Variants in SEMA3A observed in about 807,000 individuals in gnomAD.
SEMA3A encodes semaphorin-3A.
A neutral mutation model predicts 97.9 loss-of-function variants in SEMA3A; 29 were observed. That is an observed-to-expected ratio of 0.30 (90% CI 0.22 to 0.40). The LOEUF (loss-of-function observed/expected upper bound fraction) is 0.40. Among genes scored for constraint, SEMA3A ranks in the 10% least tolerant of loss-of-function variants. The pLI is 1.00. For missense variants in SEMA3A, 763 were observed against 951.3 expected, an observed-to-expected ratio of 0.80 and a Z score of 2.60; for synonymous variants, 321 against 323.7, an observed-to-expected ratio of 0.99 and a Z score of 0.09.
At chr7:84,407,917 G>C (rs900216023) in intron 1 of SEMA3A, among the ~76,000 whole-genome samples, 5 of 152,182 alleles carry the variant, frequency 3.3e-5, no homozygotes, top group Non-Finnish European at 5.9e-5. Flanking sequence ...AGACTTACAT[G>C]TTAGACCTAA....
At chr7:84,080,374 T>C (rs1222121008) in intron 4 of SEMA3A, among the ~76,000 whole-genome samples, 2 of 151,770 alleles carry the variant, frequency 1.3e-5, no homozygotes, top group Non-Finnish European at 2.9e-5. Context: ...AAAAAGAGAC[T>C]ACCTAAAAAA....
intron 2 of SEMA3A, among the ~76,000 whole-genome samples, chr7:84,361,630 T>C (rs1802722982): frequency 6.6e-6 from 1 of 152,022 alleles, no homozygotes; most frequent in South Asian, 2.1e-4. Context: ...GGAAGACTCC[T>C]AATTACTAAT....
chr7:84,442,513 C>G (rs115746178), intron 1 of SEMA3A, among the ~76,000 whole-genome samples: 2,299 of 151,430 alleles, frequency 0.015, 63 homozygotes, highest in African/African-American at 0.052. Flanking sequence ...ACTTCTACTA[C>G]AAAAAAAATC....
intron 1 of SEMA3A, among the ~76,000 whole-genome samples, chr7:84,163,256 G>T (rs1797097838): frequency 6.6e-6 from 1 of 151,986 alleles, no homozygotes; most frequent in Non-Finnish European, 1.5e-5. Context: ...ATACTTAAAG[G>T]TATAAATGTA....
chr7:84,415,144 T>C (rs936583973), intron 1 of SEMA3A, among the ~76,000 whole-genome samples: 1 of 152,092 alleles, frequency 6.6e-6, no homozygotes, highest in African/African-American at 2.4e-5. Flanking sequence ...ACTGTAGCTG[T>C]AGAGTTGTTG....
At chr7:84,106,667 C>T (rs1795117151) in intron 4 of SEMA3A, among the ~76,000 whole-genome samples, 1 of 152,118 alleles carries the variant, frequency 6.6e-6, no homozygotes, top group African/African-American at 2.4e-5. Context: ...AGATCCAAAG[C>T]TATTAAATAA....
intron 3 of SEMA3A, among the ~76,000 whole-genome samples, chr7:84,254,493 T>G (rs552598277): frequency 6.6e-6 from 1 of 152,214 alleles, no homozygotes; most frequent in Non-Finnish European, 1.5e-5. Flanking sequence ...GTACCCGAGT[T>G]GATCTGCGGT....
chr7:83,999,942 C>A (rs1224416563), intron 12 of SEMA3A, among the ~76,000 whole-genome samples: 1 of 149,046 alleles, frequency 6.7e-6, no homozygotes, highest in African/African-American at 2.5e-5. Flanking sequence ...CATACTGGGG[C>A]ACCTCACTTT....
At position 84,254,091 on chromosome 7, in the gene SEMA3A, T is replaced by G. The variant is rs538419428; in HGVS notation, c.-83+53116A>C. On this transcript the variant is annotated intron_variant, in intron 3 of 3. Transcript: ENST00000424555. ...GTGTGAATGAGACAAAATCTTGAAC[T>G]GCTGTCCTCAAACATCTGAAAGAGA... Among the ~76,000 whole-genome samples the G allele has an allele frequency of 3.0e-4, 46 of 152,334 alleles. 2 individuals are homozygous for G. The highest frequency in any genetic ancestry group is 1.1e-3 in the African/African-American group (45 of 41,580).
intron 13 of SEMA3A, among the ~76,000 whole-genome samples, chr7:83,981,942 G>T (rs545812947): frequency 6.6e-6 from 1 of 152,024 alleles, no homozygotes; most frequent in African/African-American, 2.4e-5. Flanking sequence ...TATGATATGG[G>T]AAGGGGCAAA....
chr7:84,070,626 AG>A (rs1283846313), intron 4 of SEMA3A, among the ~76,000 whole-genome samples: 3 of 152,164 alleles, frequency 2.0e-5, no homozygotes, highest in African/African-American at 7.2e-5. Flanking sequence ...CGGTATTGAA[AG>A]AATGTATGTT....
At chr7:84,148,454 A>G (rs1796531047) in intron 1 of SEMA3A, among the ~76,000 whole-genome samples, 4 of 152,156 alleles carry the variant, frequency 2.6e-5, no homozygotes. Context: ...AACAGCATAC[A>G]ACGTAGTCCG....
intron 1 of SEMA3A, among the ~76,000 whole-genome samples, chr7:84,161,337 T>C (rs901062366): frequency 3.9e-5 from 6 of 151,930 alleles, no homozygotes; most frequent in South Asian, 2.1e-4. Context: ...GCACTCCAGC[T>C]TGGGCAACAA....
chr7:84,156,139 A>G (rs1796839644), intron 1 of SEMA3A, among the ~76,000 whole-genome samples: 1 of 152,076 alleles, frequency 6.6e-6, no homozygotes, highest in African/African-American at 2.4e-5. Flanking sequence ...CCTTTTTCAT[A>G]TCATCCTTTA....
intron 3 of SEMA3A, among the ~76,000 whole-genome samples, chr7:84,271,060 A>G (rs1035167345): frequency 2.0e-5 from 3 of 152,142 alleles, no homozygotes; most frequent in Admixed American, 6.6e-5. Flanking sequence ...GAATAATTAA[A>G]TTTTGTAAGA....
intron 1 of SEMA3A, among the ~76,000 whole-genome samples, chr7:84,425,439 G>GCATATATTTATATGCATATAAATATATA (rs1217161453): frequency 1.7e-4 from 21 of 122,274 alleles, no homozygotes; most frequent in Middle Eastern, 6.7e-3. Context: ...ATAAATATAG[G>GCATATATTTATATGCATATAAATATATA]CATATATTTA....
chr7:84,255,256 T>C (rs1417084856), intron 3 of SEMA3A, among the ~76,000 whole-genome samples: 1 of 152,208 alleles, frequency 6.6e-6, no homozygotes, highest in African/African-American at 2.4e-5. Flanking sequence ...GATAGCTGCG[T>C]ATATATTATC....
At chr7:83,988,498 G>A (rs1036068321) in intron 12 of SEMA3A, among the ~76,000 whole-genome samples, 4 of 152,148 alleles carry the variant, frequency 2.6e-5, no homozygotes, top group African/African-American at 4.8e-5. Context: ...AACTTTTGTG[G>A]TTTTAATTAC....
intron 1 of SEMA3A, among the ~76,000 whole-genome samples, chr7:84,417,589 A>C (rs1227004456): frequency 6.6e-6 from 1 of 152,134 alleles, no homozygotes; most frequent in East Asian, 1.9e-4. Flanking sequence ...ACTATGGAAA[A>C]CGTATTTATT....
Sources: allele counts gnomAD v4.1 joint callset (sites outside exome capture counted in the v4.1 genomes callset), GRCh38; gene constraint gnomAD v4.1.1; transcripts MANE v1.5; gene names NCBI Gene and HGNC (gene_info 2026-07-23, HGNC 2026-07-21).